Variants in USP9X observed in about 807,000 individuals in gnomAD.
USP9X encodes ubiquitin specific peptidase 9 X-linked, also known as ubiquitin carboxyl-terminal hydrolase 9X.
A neutral mutation model predicts 190.3 loss-of-function variants in USP9X; 7 were observed. The observed-to-expected ratio is 0.04, with a 90% CI of 0.02 to 0.07. The LOEUF is 0.07. Among genes scored for constraint, USP9X ranks in the 10% least tolerant of loss-of-function variants. The pLI, the probability that USP9X is intolerant of heterozygous loss-of-function variation, is 1.00. For missense variants in USP9X, 1,010 were observed against 1,916.9 expected (o/e 0.53, Z 8.83); for synonymous variants, 645 against 659.5 (o/e 0.98, Z 0.34).
At chrX:41,118,104 G>T (rs1027587222) in intron 1 of USP9X, among the ~76,000 whole-genome samples, 1 of 112,071 alleles carries the variant, frequency 8.9e-6, no homozygotes, top group Admixed American at 9.4e-5. Flanking sequence ...TGATCCACCT[G>T]CCTCAGCCTC....
At chrX:41,211,873 T>C (rs2063164194) in intron 33 of USP9X, among the ~76,000 whole-genome samples, 1 of 111,198 alleles carries the variant, frequency 9.0e-6, no homozygotes, top group East Asian at 2.8e-4. Flanking sequence ...AGCCGCCCCA[T>C]CCGGGAGGTG....
chrX:41,187,035 G>A (rs1426416650), intron 24 of USP9X, among the ~76,000 whole-genome samples: 1 of 107,056 alleles, frequency 9.3e-6, no homozygotes, highest in East Asian at 3.0e-4. Context: ...GTTTCATGAT[G>A]TTGGCCAGGC....
At chrX:41,121,683 A>G (rs115686193) in intron 1 of USP9X, among the ~76,000 whole-genome samples, 1 of 111,359 alleles carries the variant, frequency 9.0e-6, no homozygotes, top group African/African-American at 3.3e-5. Context: ...AAGTTTCTCT[A>G]TCTGGTGGCA....
At chrX:41,188,199 TA>T (rs1305124556) in intron 25 of USP9X, 82 bp downstream of exon 25, 1 of 965,174 alleles carries the variant, frequency 1.0e-6, no homozygotes, top group Non-Finnish European at 1.4e-6. Context: ...TTAGCTTTGC[TA>T]TTTTTAAAAA....
intron 1 of USP9X, among the ~76,000 whole-genome samples, chrX:41,104,839 G>T (rs1204864242): frequency 9.0e-6 from 1 of 111,314 alleles, no homozygotes; most frequent in African/African-American, 3.3e-5. Context: ...TTGTCGGCCT[G>T]TCTGCTATGT....
At chrX:41,111,831 C>T (rs553312318) in intron 1 of USP9X, among the ~76,000 whole-genome samples, 3 of 100,263 alleles carry the variant, frequency 3.0e-5, no homozygotes, top group South Asian at 9.7e-4. Flanking sequence ...GATCTTCATC[C>T]TGGTCTTTGA....
chrX:41,211,026 T>C (rs2063152882), intron 33 of USP9X, among the ~76,000 whole-genome samples: 1 of 110,325 alleles, frequency 9.1e-6, no homozygotes, highest in Non-Finnish European at 1.9e-5. Flanking sequence ...AGGTTTCTCT[T>C]TGTTGCCTAG....
intron 21 of USP9X, among the ~76,000 whole-genome samples, chrX:41,177,296 A>G (rs1315093222): frequency 1.8e-5 from 2 of 112,565 alleles, no homozygotes; most frequent in Non-Finnish European, 1.9e-5. Context: ...CATACATTGC[A>G]TAATTATTCG....
At chrX:41,126,814 C>G (rs911383636) in intron 2 of USP9X, among the ~76,000 whole-genome samples, 1 of 111,496 alleles carries the variant, frequency 9.0e-6, no homozygotes, top group African/African-American at 3.3e-5. Flanking sequence ...AATCACTGTT[C>G]AATTTAGGGC....
At chrX:41,191,608 G>C (rs904341391) in intron 26 of USP9X, among the ~76,000 whole-genome samples, 1 of 111,705 alleles carries the variant, frequency 9.0e-6, no homozygotes. Flanking sequence ...AAGGTTTTCT[G>C]CTTCTTGAGT....
In USP9X at chrX:41,182,216, T is replaced by C. The variant is rs186984662; in HGVS notation, c.3149-1782T>C. 2.4e-3 allele frequency among the ~76,000 whole-genome samples: 267 copies of C among 110,927 alleles called. 2 individuals are homozygous for C. The highest frequency in any genetic ancestry group is 6.8e-3 in the African/African-American group (206 of 30,515). On this transcript the variant is annotated intron_variant, in intron 21 of 44. Transcript: ENST00000378308. ...GCATAACTCTGTCTCTACAAAAAAA[T>C]ATGCAAAAATTAGCTGGGCATGGTG...
chrX:41,121,348 C>T (rs1311245761), intron 1 of USP9X, among the ~76,000 whole-genome samples: 1 of 110,866 alleles, frequency 9.0e-6, no homozygotes, highest in African/African-American at 3.3e-5. Flanking sequence ...TAGGCAAGCC[C>T]CTGCTGTCTC....
intron 26 of USP9X, among the ~76,000 whole-genome samples, chrX:41,195,175 T>A (rs1415440845): frequency 2.7e-5 from 3 of 110,710 alleles, no homozygotes; most frequent in Non-Finnish European, 5.7e-5. Flanking sequence ...TAGCTGGGAT[T>A]ACAGGCACCC....
chrX:41,182,779 ATATTT>A lies in USP9X; in HGVS notation c.3149-1214_3149-1210del, dbSNP rs940511008. Among the ~76,000 whole-genome samples the A allele has an allele frequency of 5.4e-5, 6 of 111,064 alleles. No homozygotes were observed. The East Asian group carries it at 8.3e-4, about 15-fold the overall frequency. On this transcript the variant is annotated intron_variant, in intron 21 of 44. Coordinates refer to ENST00000378308, the MANE Select transcript of USP9X (RefSeq NM_001039591.3). ...CAATGACACGAGAAGATATTTATAA[ATATTT>A]TATTATAAAAACTATTTTAATTGGT...
At chrX:41,214,991 C>T (rs2063199361) in intron 34 of USP9X, among the ~76,000 whole-genome samples, 1 of 112,076 alleles carries the variant, frequency 8.9e-6, no homozygotes, top group African/African-American at 3.2e-5. Flanking sequence ...ATAAGTTACA[C>T]AGACACTTTC....
At chrX:41,203,352 C>G (rs778487884) in intron 31 of USP9X, among the ~76,000 whole-genome samples, 1 of 112,255 alleles carries the variant, frequency 8.9e-6, no homozygotes, top group East Asian at 2.8e-4. Flanking sequence ...ATTCTCCCTC[C>G]CCACAGCCTC....
intron 35 of USP9X, among the ~76,000 whole-genome samples, 174 bp downstream of exon 35, chrX:41,216,826 T>C (rs937844038): frequency 2.7e-5 from 3 of 111,316 alleles, no homozygotes; most frequent in Non-Finnish European, 3.8e-5. Flanking sequence ...GTGGATCACC[T>C]GAGGTCAAGA....
chrX:41,201,178 A>T lies in USP9X; in HGVS notation c.4722A>T (p.Gln1574His). ...ATCYMNSVIQ[Q>H]LYMIPSIRNG... is the part of the protein sequence containing the mutation. ...GTTACATGAATTCTGTGATTCAGCA[A>T]CTCTACATGATTCCTTCCATTAGGA... Residue 1574 changes from glutamine to histidine, a missense_variant, in exon 31 of 45, where the codon CAA becomes CAT. By Grantham distance (24) the Gln-to-His change is conservative (BLOSUM62 0). Coordinates refer to ENST00000378308, the MANE Select transcript of USP9X (RefSeq NM_001039591.3). The T allele has an allele frequency of 8.3e-7, 1 of 1,211,359 alleles. No individual in the cohort carries two copies. The highest frequency in any genetic ancestry group is 1.1e-6 in the Non-Finnish European group (1 of 895,391).
chrX:41,120,421 T>C (rs2062181354), intron 1 of USP9X, among the ~76,000 whole-genome samples: 1 of 112,425 alleles, frequency 8.9e-6, no homozygotes, highest in African/African-American at 3.2e-5. Flanking sequence ...GTCACTTCTA[T>C]TTCTTTTTGA....
Sources: allele counts gnomAD v4.1 joint callset (sites outside exome capture counted in the v4.1 genomes callset), GRCh38; gene constraint gnomAD v4.1.1; transcripts MANE v1.5; gene names NCBI Gene and HGNC (gene_info 2026-07-23, HGNC 2026-07-21).